The following RET variants were observed in gnomAD, a reference collection of about 807,000 sequenced individuals.
The protein encoded by RET is proto-oncogene tyrosine-protein kinase receptor Ret.
RET carries 19 observed loss-of-function variants against 118.3 expected under a neutral mutation model. The ratio of observed to expected loss-of-function variants is 0.16; its 90% CI spans 0.11 to 0.24. The LOEUF is 0.24. Among genes scored for constraint, RET ranks in the 10% least tolerant of loss-of-function variants. The pLI, the probability that RET is intolerant of heterozygous loss-of-function variation, is 1.00. For missense variants in RET, 1,219 were observed against 1,502.1 expected (o/e 0.81, Z 3.12); for synonymous variants, 597 against 644.1 (o/e 0.93, Z 1.11).
At chr10:43,084,102 G>A (rs976826107) in intron 1 of RET, among the ~76,000 whole-genome samples, 14 of 152,216 alleles carry the variant, frequency 9.2e-5, no homozygotes, top group Non-Finnish European at 2.1e-4. Flanking sequence ...GGGGTAAATA[G>A]TGTGCCGTCA....
intron 18 of RET, among the ~76,000 whole-genome samples, chr10:43,126,103 G>A (rs1838322575): frequency 6.6e-6 from 1 of 152,200 alleles, no homozygotes. Flanking sequence ...CTAGATGGCA[G>A]GGGTCCTTGG....
At chr10:43,110,651 C>G (rs1193463454) in intron 6 of RET, among the ~76,000 whole-genome samples, 1 of 152,160 alleles carries the variant, frequency 6.6e-6, no homozygotes, top group Admixed American at 6.5e-5. Context: ...CTCAAAGTCC[C>G]AGGGAGGCCC....
chr10:43,085,851 C>T (rs919580580), intron 1 of RET, among the ~76,000 whole-genome samples: 3 of 152,164 alleles, frequency 2.0e-5, no homozygotes, highest in Non-Finnish European at 4.4e-5. Context: ...GCAGGTGGTG[C>T]CCCCGCATCG....
chr10:43,094,088 C>T (rs1055377903), intron 1 of RET, among the ~76,000 whole-genome samples: 15 of 5,968 alleles, frequency 2.5e-3, no homozygotes, highest in Admixed American at 0.01. Context: ...GGGAGGGAAG[C>T]GGTGGGGGGG....
intron 1 of RET, among the ~76,000 whole-genome samples, chr10:43,085,546 G>A (rs186581108): frequency 6.6e-6 from 1 of 152,326 alleles, no homozygotes; most frequent in East Asian, 1.9e-4. Context: ...CCCCTGGTCA[G>A]GAGCTCATTC....
At chr10:43,102,657 C>T in intron 3 of RET, 28 bp downstream of exon 3, 1 of 1,613,280 alleles carries the variant, frequency 6.2e-7, no homozygotes, top group Non-Finnish European at 8.5e-7. Context: ...GGGGCCGCCC[C>T]ACAGTGCCTG....
Position 43,077,101 on chromosome 10 carries a change from G to A in RET, c.-158G>A, listed in dbSNP as rs886046984. 32 of 1,092,316 alleles carry A rather than the reference G, an allele frequency of 2.9e-5. No individual in the cohort carries two copies. In the East Asian group the frequency reaches 1.0e-3, roughly 35 times the overall value. 67.7% of individuals were successfully genotyped at this position (1,092,316 alleles called of 1,614,324 possible). A position where few individuals can be genotyped will look rare whatever the true frequency, so the allele number is the denominator to read the frequency against. On this transcript the variant is annotated 5_prime_UTR_variant, in exon 1 of 20. Coordinates refer to ENST00000355710, the MANE Select transcript of RET (RefSeq NM_020975.6). ...CGACCGAAGCAGGGCGCGCAGCAGC[G>A]CTGAGTGCCCCGGAACGTGCGTCGC... is the stretch of plus-strand genomic sequence containing the variant.
chr10:43,106,431 G>T lies in RET; in HGVS notation c.923G>T (p.Gly308Val). 6.2e-7 allele frequency: 1 copy of T among 1,613,470 alleles called. No homozygotes were observed. The highest frequency in any genetic ancestry group is 8.5e-7 in the Non-Finnish European group (1 of 1,179,872). The change falls in exon 5 of 20, where the codon GGG (glycine) becomes GTG (valine). Residue 308 changes from glycine (G) to valine (V), a missense_variant. Gly to Val is a moderately radical substitution (Grantham distance 109). This residue lies in a region of RET where 850 missense variants were observed against 969.6 expected (regional missense o/e 0.88). Coordinates refer to ENST00000355710, the MANE Select transcript of RET (RefSeq NM_020975.6). The surrounding 1 kb of genome is among the most constrained non-coding windows in gnomAD (Gnocchi z 5.1). Reference protein sequence around the residue: ...VFDADVVPASGELVRRYTSTL... With the variant: ...VFDADVVPASVELVRRYTSTL... Reference sequence around the variant, plus strand: ...GATGCAGACGTGGTACCTGCATCAGGGGAGCTGGTGAGGCGGTACACAAGC... The same window carrying T: ...GATGCAGACGTGGTACCTGCATCAGTGGAGCTGGTGAGGCGGTACACAAGC...
At chr10:43,107,534 A>G (rs112545528) in intron 5 of RET, among the ~76,000 whole-genome samples, 118 of 146,562 alleles carry the variant, frequency 8.1e-4, no homozygotes, top group Middle Eastern at 3.4e-3. Flanking sequence ...GGCCTTGGTA[A>G]TGTAGACCTT....
In RET at chr10:43,126,587, C is replaced by A. The variant is rs766330880; in HGVS notation, c.3052C>A (p.Leu1018Ile). 6.2e-7 allele frequency: 1 copy of A among 1,614,050 alleles called. No individual in the cohort carries two copies. The part of the protein sequence containing the change: ...MMVKRRDYLD[L>I]AASTPSDSLI... ...CTCTGTCTTCCAGGACTACTTGGACCTTGCGGCGTCCACTCCATCTGACTC... is the reference window on the plus strand; with the variant it reads ...CTCTGTCTTCCAGGACTACTTGGACATTGCGGCGTCCACTCCATCTGACTC... The change falls in exon 19 of 20, where the codon CTT becomes ATT. Residue 1018 changes from leucine to isoleucine, a missense_variant. By Grantham distance (5) the Leu-to-Ile change is conservative (BLOSUM62 2). Around this residue, in one of 5 missense-constraint regions of RET, gnomAD observed 174 missense variants for 179.3 expected, o/e 0.97. Transcript: ENST00000355710.
chr10:43,110,890 G>A (rs754209175), intron 6 of RET, among the ~76,000 whole-genome samples: 4 of 152,196 alleles, frequency 2.6e-5, no homozygotes, highest in Non-Finnish European at 5.9e-5. Flanking sequence ...GGAGTAAAGG[G>A]TTGAGTCAGG....
chr10:43,084,209 G>C (rs143333882), intron 1 of RET, among the ~76,000 whole-genome samples: 12 of 152,284 alleles, frequency 7.9e-5, no homozygotes, highest in Non-Finnish European at 1.5e-4. Flanking sequence ...ACCTGAGTTC[G>C]TGCTTTCAGT....
In RET at chr10:43,098,066, G is replaced by A. The variant is rs562451446; in HGVS notation, c.74-2393G>A. Among the ~76,000 whole-genome samples, 4 of 152,158 alleles carry A rather than the reference G, an allele frequency of 2.6e-5. No individual in the cohort carries two copies. In the East Asian group the frequency reaches 5.8e-4, roughly 22 times the overall value. ...TATCCATCTTTTTAAAAATTCATAC[G>A]ATTTTTTATTGTGGAAAAATATACA... is the stretch of plus-strand genomic sequence containing the variant. On this transcript the variant is annotated intron_variant, in intron 1 of 19. Coordinates refer to ENST00000355710, the MANE Select transcript of RET (RefSeq NM_020975.6).
At chr10:43,087,182 G>A (rs1307054713) in intron 1 of RET, among the ~76,000 whole-genome samples, 7 of 152,200 alleles carry the variant, frequency 4.6e-5, no homozygotes, top group African/African-American at 9.7e-5. Flanking sequence ...ATGTTCGTGC[G>A]TGCAGGGATC....
intron 16 of RET, among the ~76,000 whole-genome samples, chr10:43,122,712 A>T (rs1244729764): frequency 6.6e-6 from 1 of 152,042 alleles, no homozygotes; most frequent in Non-Finnish European, 1.5e-5. Context: ...GGTTCAAGCG[A>T]TTCCTGTGCC....
intron 7 of RET, 36 bp downstream of exon 7, chr10:43,111,501 C>A (rs1296081335): frequency 6.3e-7 from 1 of 1,594,114 alleles, no homozygotes; most frequent in East Asian, 2.3e-5. Flanking sequence ...GGTCGGGGTC[C>A]TGGGGGCTTC....
rs1187443303 is a variant in RET at position 43,085,361 on chromosome 10, C to T, written c.73+8030C>T. Among the ~76,000 whole-genome samples the T allele has an allele frequency of 3.9e-5, 6 of 152,214 alleles. No individual in the cohort carries two copies. In the East Asian group the frequency reaches 1.2e-3, roughly 29 times the overall value. On this transcript the variant is annotated intron_variant, in intron 1 of 19. Transcript: ENST00000355710. Reference sequence around the variant, plus strand: ...TTCCTGCTGCTGAACTCTCTCCTTTCTGCTGCTGAACTCTCTCCTTTGGAC... The same window carrying T: ...TTCCTGCTGCTGAACTCTCTCCTTTTTGCTGCTGAACTCTCTCCTTTGGAC...
chr10:43,121,173 A>T (rs1424293661), intron 15 of RET, among the ~76,000 whole-genome samples: 1 of 152,258 alleles, frequency 6.6e-6, no homozygotes, highest in Middle Eastern at 3.4e-3. Flanking sequence ...CCAGGGAGAG[A>T]AGCTGAAGGC....
rs1486769344 is a variant in RET at position 43,113,591 on chromosome 10, C to A, written c.1795C>A (p.Pro599Thr). 1 of 1,611,524 alleles carries A rather than the reference C, an allele frequency of 6.2e-7. No homozygotes were observed. The highest frequency in any genetic ancestry group is 1.1e-5 in the South Asian group (1 of 90,628). ...TGTTGGGGGACACGAGCCTGGGGAG[C>A]CCCGGGGGATTAAAGCTGGCTATGG... ...SIVGGHEPGE[P>T]RGIKAGYGTC... Residue 599 changes from proline to threonine, a missense_variant, in exon 10 of 20, where the codon CCC (proline) becomes ACC (threonine). Coordinates refer to ENST00000355710, the MANE Select transcript of RET (RefSeq NM_020975.6).
Sources: gnomAD v4.1 joint callset for allele counts (sites outside exome capture counted in the v4.1 genomes callset) on GRCh38, gnomAD v4.1.1 for gene constraint, gnomAD v4.1.1 regional missense constraint, Gnocchi (gnomAD v3.1) non-coding constraint, MANE v1.5 for transcripts, NCBI Gene and HGNC (gene_info 2026-07-23, HGNC 2026-07-21) for gene names.